DLG2: variants seen among roughly 807,000 people sequenced by gnomAD.
DLG2 encodes discs large MAGUK scaffold protein 2.
A neutral mutation model predicts 132.5 loss-of-function variants in DLG2; 45 were observed. That is an observed-to-expected ratio of 0.34 (90% confidence interval 0.27 to 0.44). The LOEUF (loss-of-function observed/expected upper bound fraction) is 0.44, where lower values mean the gene tolerates loss of function less well. Ranked by LOEUF, DLG2 falls within the 20% of genes least tolerant of loss-of-function variation. The pLI is 1.00. For synonymous variants in DLG2, 424 were observed against 419.6 expected, an observed-to-expected ratio of 1.01 and a Z score of -0.13; for missense variants, 1,045 against 1,196.9, an observed-to-expected ratio of 0.87 and a Z score of 1.87.
intron 2 of DLG2, among the ~76,000 whole-genome samples, chr11:85,616,351 CAGAAG>C (rs892671260): frequency 1.3e-4 from 19 of 151,994 alleles, no homozygotes; most frequent in Admixed American, 1.2e-3. Context: ...GAAACAAGTT[CAGAAG>C]GATTACATGA....
rs2060028748 is a variant in DLG2 at position 85,021,147 on chromosome 11, T to C, written c.357+90514A>G. 4 of 828,760 alleles carry C rather than the reference T, an allele frequency of 4.8e-6. No homozygotes were observed. In the East Asian group the frequency reaches 9.7e-5, roughly 20 times the overall value. The allele number at this position is 828,760 out of a possible 1,614,324, so 51.3% of individuals were successfully genotyped here. ...CTTTCAACTTTCCAGACTTAGAAGA[T>C]CCCCGCTGCCCATTCTTAGAATTGA... On this transcript the variant is annotated intron_variant, in intron 6 of 27. Transcript: ENST00000376104.
intron 6 of DLG2, among the ~76,000 whole-genome samples, chr11:84,605,023 T>A (rs1251859609): frequency 6.6e-6 from 1 of 151,942 alleles, no homozygotes; most frequent in Non-Finnish European, 1.5e-5. Context: ...TAGAAGTTAC[T>A]GTTTGGTATT....
At chr11:84,378,136 G>T (rs548125732) in intron 7 of DLG2, among the ~76,000 whole-genome samples, 17 of 152,248 alleles carry the variant, frequency 1.1e-4, no homozygotes, top group African/African-American at 3.4e-4. Flanking sequence ...TGGAGATGGG[G>T]CCCCTAAGAA....
chr11:85,495,186 G>C (rs1478360757), intron 3 of DLG2, among the ~76,000 whole-genome samples: 1 of 152,084 alleles, frequency 6.6e-6, no homozygotes, highest in African/African-American at 2.4e-5. Context: ...GACAATAAAC[G>C]TTTTGGCAAA....
At chr11:85,292,632 G>GGAAC (rs2078965884) in intron 3 of DLG2, among the ~76,000 whole-genome samples, 1 of 20,306 alleles carries the variant, frequency 4.9e-5, no homozygotes, top group African/African-American at 2.0e-4. Flanking sequence ...ACCGAAGGAA[G>GGAAC]GAAGGAAGGA....
intron 7 of DLG2, among the ~76,000 whole-genome samples, chr11:84,372,383 A>G (rs796515445): frequency 1.3e-5 from 2 of 152,190 alleles, no homozygotes; most frequent in Admixed American, 1.3e-4. Flanking sequence ...CCATTTGCTT[A>G]TAAAAAGCTG....
At chr11:85,350,470 T>G (rs1046861569) in intron 3 of DLG2, among the ~76,000 whole-genome samples, 2 of 152,244 alleles carry the variant, frequency 1.3e-5, no homozygotes, top group African/African-American at 4.8e-5. Flanking sequence ...GTTTTAGTCA[T>G]GAAGTCCTTG....
intron 6 of DLG2, among the ~76,000 whole-genome samples, chr11:85,078,328 T>C (rs935440304): frequency 6.6e-6 from 1 of 151,432 alleles, no homozygotes; most frequent in Admixed American, 6.6e-5. Context: ...CAATGTTTAA[T>C]CTGACCTGAA....
intron 26 of DLG2, 31 bp from the exon 27 acceptor site, chr11:83,462,124 A>G: frequency 7.3e-7 from 1 of 1,376,890 alleles, no homozygotes; most frequent in Non-Finnish European, 1.0e-6. Flanking sequence ...ATTAGAACAT[A>G]AAGGGAATAT....
At chr11:84,520,903 C>T (rs566817959) in intron 7 of DLG2, among the ~76,000 whole-genome samples, 2 of 152,170 alleles carry the variant, frequency 1.3e-5, no homozygotes, top group Non-Finnish European at 2.9e-5. Flanking sequence ...TCAGTGAATT[C>T]TCAAATGGCA....
intron 3 of DLG2, among the ~76,000 whole-genome samples, chr11:85,551,612 T>C (rs973106291): frequency 6.6e-6 from 1 of 152,088 alleles, no homozygotes; most frequent in African/African-American, 2.4e-5. Flanking sequence ...TTCAAATTAA[T>C]AACATTAATT....
chr11:83,934,916 C>T (rs1254015747), intron 14 of DLG2, among the ~76,000 whole-genome samples: 5 of 152,266 alleles, frequency 3.3e-5, no homozygotes, highest in East Asian at 1.9e-4. Context: ...ATTCTCTTTT[C>T]CCGAGCCAGA....
chr11:84,707,796 A>G (rs1469823068), intron 6 of DLG2, among the ~76,000 whole-genome samples: 1 of 151,788 alleles, frequency 6.6e-6, no homozygotes, highest in East Asian at 1.9e-4. Flanking sequence ...GGTAACATGC[A>G]CTCATTTTGA....
chr11:84,871,918 G>A (rs917350792), intron 6 of DLG2, among the ~76,000 whole-genome samples: 2 of 152,034 alleles, frequency 1.3e-5, no homozygotes, highest in African/African-American at 4.8e-5. Context: ...CAGGTGATCC[G>A]CCTACCTCTG....
chr11:85,372,877 G>A (rs1390392805), intron 3 of DLG2, among the ~76,000 whole-genome samples: 1 of 151,992 alleles, frequency 6.6e-6, no homozygotes, highest in Non-Finnish European at 1.5e-5. Flanking sequence ...AGAGAACCAG[G>A]GACACCTGCT....
At chr11:83,602,217 A>C (rs1326314577) in intron 19 of DLG2, among the ~76,000 whole-genome samples, 1 of 152,214 alleles carries the variant, frequency 6.6e-6, no homozygotes, top group Non-Finnish European at 1.5e-5. Context: ...TTTTCATTGC[A>C]GTCAATTATT....
intron 6 of DLG2, among the ~76,000 whole-genome samples, chr11:84,594,188 G>A (rs2099550686): frequency 6.6e-6 from 1 of 152,136 alleles, no homozygotes; most frequent in South Asian, 2.1e-4. Flanking sequence ...AATTGAAGAT[G>A]CTGTAACAAG....
At chr11:83,468,870 A>T (rs529145233) in intron 25 of DLG2, among the ~76,000 whole-genome samples, 1 of 152,286 alleles carries the variant, frequency 6.6e-6, no homozygotes, top group South Asian at 2.1e-4. Flanking sequence ...TTCCTCTAAC[A>T]AAATAATTCA....
intron 3 of DLG2, among the ~76,000 whole-genome samples, chr11:85,454,930 T>C (rs756590983): frequency 2.0e-5 from 3 of 152,222 alleles, no homozygotes; most frequent in Admixed American, 2.0e-4. Flanking sequence ...TACAGCCTTG[T>C]AGTATACTTT....
Sources: allele counts gnomAD v4.1 joint callset (sites outside exome capture counted in the v4.1 genomes callset), GRCh38; gene constraint gnomAD v4.1.1; transcripts MANE v1.5; gene names NCBI Gene and HGNC (gene_info 2026-07-23, HGNC 2026-07-21).